UBE2E2: variants seen among roughly 807,000 people sequenced by gnomAD.
The protein encoded by UBE2E2 is ubiquitin conjugating enzyme E2 E2, also known as ubiquitin-conjugating enzyme E2 E2.
UBE2E2 carries 6 observed loss-of-function variants against 24.7 expected under a neutral mutation model. That is an observed-to-expected ratio of 0.24 (90% CI 0.13 to 0.48). UBE2E2 has a LOEUF of 0.48. Ranked by LOEUF, UBE2E2 falls within the 20% of genes least tolerant of loss-of-function variation. UBE2E2 has a pLI of 0.99. For missense variants in UBE2E2, 169 were observed against 245.0 expected (o/e 0.69, Z 2.07); for synonymous variants, 104 against 83.6 (o/e 1.24, Z -1.33).
At chr3:23,342,192 T>G (rs1320922631) in intron 3 of UBE2E2, among the ~76,000 whole-genome samples, 3 of 151,912 alleles carry the variant, frequency 2.0e-5, no homozygotes, top group African/African-American at 2.4e-5. Context: ...GTTTAGTTTT[T>G]TTTTTTTTTT....
At chr3:23,342,997 C>T (rs1480658954) in intron 3 of UBE2E2, among the ~76,000 whole-genome samples, 1 of 151,892 alleles carries the variant, frequency 6.6e-6, no homozygotes, top group Non-Finnish European at 1.5e-5. Context: ...GGTGCTTATT[C>T]TTTTGGTAGC....
At chr3:23,410,758 C>T (rs750231421) in intron 3 of UBE2E2, among the ~76,000 whole-genome samples, 19 of 152,116 alleles carry the variant, frequency 1.2e-4, no homozygotes, top group Non-Finnish European at 1.6e-4. Context: ...GTCCCCTACT[C>T]TCAAGACATT....
At chr3:23,346,322 G>T (rs1350071475) in intron 3 of UBE2E2, among the ~76,000 whole-genome samples, 1 of 152,140 alleles carries the variant, frequency 6.6e-6, no homozygotes, top group Non-Finnish European at 1.5e-5. Flanking sequence ...GATAGTAAAA[G>T]ATTAGTACCT....
At chr3:23,247,465 C>T (rs1293847289) in intron 3 of UBE2E2, among the ~76,000 whole-genome samples, 2 of 151,976 alleles carry the variant, frequency 1.3e-5, no homozygotes, top group African/African-American at 4.8e-5. Flanking sequence ...AGCGATTCTC[C>T]TGCCTCAGCC....
At chr3:23,239,139 A>G (rs186555248) in intron 3 of UBE2E2, among the ~76,000 whole-genome samples, 3 of 152,204 alleles carry the variant, frequency 2.0e-5, no homozygotes, top group African/African-American at 7.2e-5. Context: ...ACATTTTCTT[A>G]TTAGTTTAGG....
chr3:23,549,551 G>A (rs115173609), intron 5 of UBE2E2, among the ~76,000 whole-genome samples: 135 of 152,244 alleles, frequency 8.9e-4, no homozygotes, highest in African/African-American at 2.9e-3. Flanking sequence ...ATAAATCGGT[G>A]CCCTCATTTG....
Position 23,399,552 on chromosome 3 carries a change from C to T in UBE2E2, c.228-100056C>T, listed in dbSNP as rs1006905019. ...TTTGCCATTTTAATGACAAAAATCA[C>T]AATTACTTTTGCACTAAATTAGTAT... is the stretch of plus-strand genomic sequence containing the variant. On this transcript the variant is annotated intron_variant, in intron 3 of 5. Coordinates refer to ENST00000396703, the MANE Select transcript of UBE2E2 (RefSeq NM_152653.4). Among the ~76,000 whole-genome samples, 5 of 152,106 alleles carry T rather than the reference C, an allele frequency of 3.3e-5. No homozygotes were observed. In the South Asian group the frequency reaches 8.3e-4, roughly 25 times the overall value.
At chr3:23,360,819 A>G (rs1476096085) in intron 3 of UBE2E2, among the ~76,000 whole-genome samples, 1 of 152,186 alleles carries the variant, frequency 6.6e-6, no homozygotes, top group Non-Finnish European at 1.5e-5. Flanking sequence ...AAATTTCTTT[A>G]TAATTTCTAA....
At chr3:23,397,838 C>A (rs116817779) in intron 3 of UBE2E2, among the ~76,000 whole-genome samples, 1 of 152,022 alleles carries the variant, frequency 6.6e-6, no homozygotes, top group Non-Finnish European at 1.5e-5. Context: ...TTTCTTTTTT[C>A]ATTCTCAGAC....
At chr3:23,290,103 C>G (rs1698722280) in intron 3 of UBE2E2, among the ~76,000 whole-genome samples, 2 of 152,242 alleles carry the variant, frequency 1.3e-5, no homozygotes, top group South Asian at 4.1e-4. Context: ...TGAAAAGTGA[C>G]TTTTTAGAAT....
chr3:23,239,437 C>T (rs1014775323), intron 3 of UBE2E2, among the ~76,000 whole-genome samples: 1 of 151,996 alleles, frequency 6.6e-6, no homozygotes, highest in Admixed American at 6.6e-5. Context: ...TTCTCCATTC[C>T]CCCCTCCCCC....
At chr3:23,313,399 T>TTG (rs1694468812) in intron 3 of UBE2E2, among the ~76,000 whole-genome samples, 1 of 148,804 alleles carries the variant, frequency 6.7e-6, no homozygotes, top group Admixed American at 6.7e-5. Context: ...TTTTTTTTTT[T>TTG]TTTTTTGAGG....
At chr3:23,344,248 C>T (rs1052300697) in intron 3 of UBE2E2, among the ~76,000 whole-genome samples, 1 of 152,070 alleles carries the variant, frequency 6.6e-6, no homozygotes. Context: ...GTCCTTCATA[C>T]TGAGGTCTCA....
In UBE2E2 at chr3:23,291,200, A is replaced by G. The variant is rs191841837; in HGVS notation, c.227+73888A>G. Among the ~76,000 whole-genome samples the G allele has an allele frequency of 5.3e-5, 8 of 152,244 alleles. No individual in the cohort carries two copies. The East Asian group carries it at 1.5e-3, about 29-fold the overall frequency. ...AGATAAGGGACTTCTAGGTAGAACC[A>G]TGCACAAAAAGGTGGTTGAATTTCA... On this transcript the variant is annotated intron_variant, in intron 3 of 5. Transcript: ENST00000396703.
chr3:23,437,941 C>A (rs1698219056), intron 3 of UBE2E2, among the ~76,000 whole-genome samples: 1 of 152,242 alleles, frequency 6.6e-6, no homozygotes, highest in South Asian at 2.1e-4. Context: ...GCAGTAAATG[C>A]AGTATGAGCA....
At chr3:23,403,454 GGA>G (rs1175681519) in intron 3 of UBE2E2, among the ~76,000 whole-genome samples, 1 of 152,206 alleles carries the variant, frequency 6.6e-6, no homozygotes, top group Non-Finnish European at 1.5e-5. Flanking sequence ...GGCTTTTCAT[GGA>G]ATAATGCTGC....
chr3:23,576,646 T>A, intron 5 of UBE2E2, among the ~76,000 whole-genome samples: 1 of 152,154 alleles, frequency 6.6e-6, no homozygotes, highest in East Asian at 1.9e-4. Flanking sequence ...GTATACCTTA[T>A]CTACTTATAT....
intron 4 of UBE2E2, among the ~76,000 whole-genome samples, chr3:23,525,090 A>G (rs1267379529): frequency 2.0e-5 from 3 of 152,186 alleles, no homozygotes; most frequent in African/African-American, 4.8e-5. Context: ...GAGGCCAACT[A>G]CATTCCTTGG....
At chr3:23,323,387 T>C (rs1694797095) in intron 3 of UBE2E2, 2 of 253,180 alleles carry the variant, frequency 7.9e-6, no homozygotes, top group South Asian at 7.5e-5. Context: ...ATTTTTATTC[T>C]AGACGATTTA....
Sources: gnomAD v4.1 joint callset for allele counts (sites outside exome capture counted in the v4.1 genomes callset) on GRCh38, gnomAD v4.1.1 for gene constraint, MANE v1.5 for transcripts, NCBI Gene and HGNC (gene_info 2026-07-23, HGNC 2026-07-21) for gene names.